The following DST variants were observed in gnomAD, a reference collection of about 807,000 sequenced individuals.
DST encodes bullous pemphigoid antigen.
In DST, 253 loss-of-function variants were observed where a neutral mutation model predicts 875.2. The ratio of observed to expected loss-of-function variants is 0.29; its 90% CI spans 0.26 to 0.32. DST has a LOEUF of 0.32. Ranked by LOEUF, DST falls within the 10% of genes least tolerant of loss-of-function variation. The pLI is 1.00. For synonymous variants in DST, 3,124 were observed against 3,197.1 expected, an observed-to-expected ratio of 0.98 and a Z score of 0.77; for missense variants, 8,287 against 9,111.6, an observed-to-expected ratio of 0.91 and a Z score of 3.68.
chr6:56,639,074 G>T, intron 22 of DST, 185 bp downstream of exon 22: 1 of 630,262 alleles, frequency 1.6e-6, no homozygotes, highest in Non-Finnish European at 2.8e-6. Flanking sequence ...TATTCTAAGT[G>T]ATGGGTGACA....
chr6:56,530,542 G>C (rs1158437074), intron 64 of DST, among the ~76,000 whole-genome samples: 1 of 152,200 alleles, frequency 6.6e-6, no homozygotes, highest in African/African-American at 2.4e-5. Flanking sequence ...CAGTTACTGA[G>C]ATTGCTCTTA....
chr6:56,631,744 T>C (rs2098782474), intron 29 of DST, 139 bp downstream of exon 29: 1 of 770,222 alleles, frequency 1.3e-6, no homozygotes. Flanking sequence ...TAATCAGCAA[T>C]AATTACACAA....
At chr6:56,523,815 G>A (rs1353278790) in intron 69 of DST, among the ~76,000 whole-genome samples, 2 of 152,094 alleles carry the variant, frequency 1.3e-5, no homozygotes, top group Non-Finnish European at 2.9e-5. Flanking sequence ...ACCCCATCAT[G>A]TGTGGCTGTT....
intron 36 of DST, among the ~76,000 whole-genome samples, chr6:56,622,464 T>C (rs2098698772): frequency 1.3e-5 from 2 of 149,070 alleles, no homozygotes; most frequent in South Asian, 4.2e-4. Flanking sequence ...TAATCCCAGC[T>C]ACTCGGAAGG....
In DST at chr6:56,621,653, G is replaced by A. The variant is rs1429590166; in HGVS notation, c.4929+2877C>T. Among the ~76,000 whole-genome samples the A allele has an allele frequency of 6.6e-5, 10 of 152,270 alleles. No homozygotes were observed. In the East Asian group the frequency reaches 1.7e-3, roughly 26 times the overall value. ...ACTAGGGACAGAATCAATGTCAGCT[G>A]GGAGGAGTATGCTTTACATTGATTA... is the stretch of plus-strand genomic sequence containing the variant. On this transcript the variant is annotated intron_variant, in intron 36 of 103. Transcript: ENST00000680361.
chr6:56,817,212 C>T (rs1293498665), intron 4 of DST, among the ~76,000 whole-genome samples: 1 of 152,070 alleles, frequency 6.6e-6, no homozygotes, highest in African/African-American at 2.4e-5. Context: ...TGGCATCTCC[C>T]TTTCTAGTGT....
At chr6:56,560,560 G>A in intron 57 of DST, 137 bp from the exon 58 acceptor site, 1 of 878,756 alleles carries the variant, frequency 1.1e-6, no homozygotes, top group Non-Finnish European at 1.7e-6. Flanking sequence ...GTGAGGGCCT[G>A]GATTTTGCAA....
At chr6:56,488,244 A>C (rs911159139) in intron 86 of DST, among the ~76,000 whole-genome samples, 4 of 152,232 alleles carry the variant, frequency 2.6e-5, no homozygotes, top group Non-Finnish European at 5.9e-5. Context: ...GGTTGAATAC[A>C]GGTCACTGTT....
chr6:56,610,344 TTTA>T, intron 39 of DST, 80 bp downstream of exon 39: 1 of 1,095,266 alleles, frequency 9.1e-7, no homozygotes, highest in South Asian at 1.7e-5. Context: ...AGGTCATTTC[TTTA>T]TTATTGACAT....
chr6:56,575,466 T>C (rs1407014438), intron 50 of DST, among the ~76,000 whole-genome samples: 3 of 152,180 alleles, frequency 2.0e-5, no homozygotes, highest in Non-Finnish European at 4.4e-5. Flanking sequence ...ATTGGGCAAC[T>C]GCATCAACAG....
At chr6:56,708,450 A>C (rs561511153) in intron 5 of DST, among the ~76,000 whole-genome samples, 1 of 152,308 alleles carries the variant, frequency 6.6e-6, no homozygotes, top group South Asian at 2.1e-4. Flanking sequence ...ATCCAAAGAC[A>C]CTGGCTATCC....
intron 28 of DST, among the ~76,000 whole-genome samples, chr6:56,632,523 T>C (rs2098790127): frequency 6.6e-6 from 1 of 152,370 alleles, no homozygotes; most frequent in Admixed American, 6.5e-5. Context: ...GCTTTAATCC[T>C]TGTATAAAAT....
At chr6:56,881,218 T>C (rs537723621) in intron 3 of DST, among the ~76,000 whole-genome samples, 1 of 152,188 alleles carries the variant, frequency 6.6e-6, no homozygotes, top group East Asian at 1.9e-4. Flanking sequence ...CTCACATCTG[T>C]AATCCCAGCA....
intron 4 of DST, among the ~76,000 whole-genome samples, chr6:56,805,755 G>C (rs980847307): frequency 3.3e-5 from 5 of 152,208 alleles, no homozygotes; most frequent in Admixed American, 3.3e-4. Flanking sequence ...CTGATACACA[G>C]ATGGGATACA....
chr6:56,692,537 G>C lies in DST; in HGVS notation c.1047+7116C>G, dbSNP rs1055984831. ...TGAATACTGCTATAACTTTTTGGTGGGTCTTCAGGAAACCCACTTTTTTCG... is the reference window on the plus strand; with the variant it reads ...TGAATACTGCTATAACTTTTTGGTGCGTCTTCAGGAAACCCACTTTTTTCG... On this transcript the variant is annotated intron_variant, in intron 9 of 103. Coordinates refer to ENST00000680361, the MANE Select transcript of DST (RefSeq NM_001374736.1). The C allele has an allele frequency of 3.9e-6, 5 of 1,289,542 alleles. No homozygotes were observed. The African/African-American group carries it at 6.1e-5, about 16-fold the overall frequency. The allele number at this position is 1,289,542 out of a possible 1,614,324, so 79.9% of individuals were successfully genotyped here. A position where few individuals can be genotyped will look rare whatever the true frequency, so the allele number is the denominator to read the frequency against.
chr6:56,588,893 T>C (rs1258771121), intron 49 of DST, among the ~76,000 whole-genome samples: 1 of 152,156 alleles, frequency 6.6e-6, no homozygotes, highest in Non-Finnish European at 1.5e-5. Flanking sequence ...GTGGATCTGT[T>C]TGAAAAATTC....
chr6:56,642,832 G>A, intron 15 of DST: 1 of 1,611,848 alleles, frequency 6.2e-7, no homozygotes, highest in Non-Finnish European at 8.5e-7. Flanking sequence ...TTTCAAAGTA[G>A]ACTAAAAGGT....
intron 4 of DST, among the ~76,000 whole-genome samples, chr6:56,784,578 G>A: frequency 6.6e-6 from 1 of 152,158 alleles, no homozygotes; most frequent in East Asian, 1.9e-4. Flanking sequence ...AGCTCCATCA[G>A]CTCCTTTAAG....
At chr6:56,799,812 T>C (rs1236977149) in intron 4 of DST, among the ~76,000 whole-genome samples, 2 of 151,896 alleles carry the variant, frequency 1.3e-5, no homozygotes, top group Non-Finnish European at 2.9e-5. Flanking sequence ...TTAGTAGAGA[T>C]GGGGTTTCAC....
Sources: allele counts gnomAD v4.1 joint callset (sites outside exome capture counted in the v4.1 genomes callset), GRCh38; gene constraint gnomAD v4.1.1; transcripts MANE v1.5; gene names NCBI Gene and HGNC (gene_info 2026-07-23, HGNC 2026-07-21).